PREX1: variants seen among roughly 807,000 people sequenced by gnomAD.
PREX1 encodes phosphatidylinositol-3,4,5-trisphosphate dependent Rac exchange factor 1, also known as phosphatidylinositol 3,4,5-trisphosphate-dependent Rac exchanger 1 protein.
A neutral mutation model predicts 198.3 loss-of-function variants in PREX1; 41 were observed. The observed-to-expected ratio is 0.21, with a 90% confidence interval of 0.16 to 0.27. The LOEUF is 0.27. Among genes scored for constraint, PREX1 ranks in the 10% least tolerant of loss-of-function variants. PREX1 has a pLI of 1.00. For synonymous variants in PREX1, 843 were observed against 887.2 expected (o/e 0.95, Z 0.89); for missense variants, 1,620 against 2,200.7 (o/e 0.74, Z 5.28).
Position 48,692,747 on chromosome 20 carries a change from T to C in PREX1, c.961A>G (p.Asn321Asp). The C allele has an allele frequency of 6.2e-7, 1 of 1,614,044 alleles. No homozygotes were observed. Among genetic ancestry groups the C allele is most frequent in the Non-Finnish European group, 8.5e-7 (1 of 1,179,978 alleles). ...KKSTKRTKSINGSLYIFRGRI... is the reference protein window; with the variant it reads ...KKSTKRTKSIDGSLYIFRGRI... ...CCCCTGAAGATGTAGAGGGAGCCGT[T>C]GATGGATTTGGTCCTCTTGGTGGAC... The change falls in exon 8 of 40, where the codon AAC (asparagine) becomes GAC (aspartate). Residue 321 changes from asparagine to aspartate, a missense_variant. Asn to Asp is a conservative substitution (Grantham distance 23). Around this residue, in one of 7 missense-constraint regions of PREX1, gnomAD observed 488 missense variants for 802.5 expected, o/e 0.61. Transcript: ENST00000371941.
At chr20:48,765,566 G>A (rs1333303211) in intron 1 of PREX1, among the ~76,000 whole-genome samples, 3 of 152,148 alleles carry the variant, frequency 2.0e-5, no homozygotes, top group African/African-American at 4.8e-5. Flanking sequence ...AGGAGGAAGC[G>A]ACTCCTACAC....
chr20:48,674,346 A>G (rs6019361), intron 14 of PREX1, among the ~76,000 whole-genome samples: 25,779 of 152,278 alleles, frequency 0.17, 4,416 homozygotes, highest in African/African-American at 0.44. Flanking sequence ...ATCAGCACGT[A>G]TCAGGAATTT....
In PREX1 at chr20:48,681,371, C is replaced by T. The variant is rs910511208; in HGVS notation, c.1335-36G>A. ...CACAATATGTGGTTGAGAGGATTTCCCCAATTCTGGGACCACAGGAATCAG... is the reference window on the plus strand; with the variant it reads ...CACAATATGTGGTTGAGAGGATTTCTCCAATTCTGGGACCACAGGAATCAG... On this transcript the variant is annotated intron_variant, in intron 10 of 39. Transcript: ENST00000371941. 1.9e-6 allele frequency: 3 copies of T among 1,601,802 alleles called. 1 individual carries two copies. In the South Asian group the frequency reaches 3.3e-5, roughly 18 times the overall value.
At chr20:48,721,150 C>A (rs1284628846) in intron 5 of PREX1, among the ~76,000 whole-genome samples, 1 of 152,182 alleles carries the variant, frequency 6.6e-6, no homozygotes, top group Non-Finnish European at 1.5e-5. Context: ...GGTGGCCTTT[C>A]CACATTCATT....
intron 4 of PREX1, among the ~76,000 whole-genome samples, chr20:48,733,742 T>G (rs2090045058): frequency 9.2e-6 from 1 of 108,908 alleles, no homozygotes; most frequent in Non-Finnish European, 2.1e-5. Flanking sequence ...TGCCAGTTTT[T>G]GGGTTTTTTT....
chr20:48,693,754 T>G (rs2089831516), intron 7 of PREX1, among the ~76,000 whole-genome samples: 1 of 151,530 alleles, frequency 6.6e-6, no homozygotes, highest in Non-Finnish European at 1.5e-5. Context: ...ACTACAGGCA[T>G]GTCTCACCAC....
At chr20:48,704,000 C>T (rs190530543) in intron 6 of PREX1, among the ~76,000 whole-genome samples, 15 of 152,310 alleles carry the variant, frequency 9.8e-5, no homozygotes, top group African/African-American at 1.9e-4. Flanking sequence ...CACTCAGCCA[C>T]GCTGGAGATG....
chr20:48,691,049 G>T lies in PREX1; in HGVS notation c.1084C>A (p.His362Asn). Residue 362 changes from histidine to asparagine, a missense_variant, in exon 9 of 40, where the codon CAC becomes AAC. Around this residue, in one of 7 missense-constraint regions of PREX1, gnomAD observed 488 missense variants for 802.5 expected, o/e 0.61. Coordinates refer to ENST00000371941, the MANE Select transcript of PREX1 (RefSeq NM_020820.4). This position sits in a 1 kb window ranked among gnomAD's most constrained non-coding sequence, Gnocchi z 5.0. Reference sequence around the variant, plus strand: ...AACCACTTATTCTTGGCCGTGTTGTGGATCTTCCAGCCGTTGGTGACGGTA... The same window carrying T: ...AACCACTTATTCTTGGCCGTGTTGTTGATCTTCCAGCCGTTGGTGACGGTA... ...GYTVTNGWKIHNTAKNKWFVC... is the reference protein window; with the variant it reads ...GYTVTNGWKINNTAKNKWFVC... 6.2e-7 allele frequency: 1 copy of T among 1,614,232 alleles called. No individual in the cohort carries two copies. Among genetic ancestry groups the T allele is most frequent in the Non-Finnish European group, 8.5e-7 (1 of 1,180,046 alleles).
At chr20:48,708,218 GC>G in intron 6 of PREX1, 41 bp downstream of exon 6, 1 of 1,602,392 alleles carries the variant, frequency 6.2e-7, no homozygotes, top group Non-Finnish European at 8.5e-7. Flanking sequence ...GCACCTCCTG[GC>G]CCCCTGCGGC....
chr20:48,649,976 T>C lies in PREX1; in HGVS notation c.3028+20A>G, dbSNP rs376900768. 81 of 1,611,352 alleles carry C rather than the reference T, an allele frequency of 5.0e-5. 1 individual carries two copies. The African/African-American group carries it at 9.7e-4, about 19-fold the overall frequency. ...GAGTGCAACATCTGAACACAGTTTC[T>C]AATAGACACACACAGGTACCTTGCT... On this transcript the variant is annotated intron_variant, in intron 24 of 39. Transcript: ENST00000371941.
intron 6 of PREX1, among the ~76,000 whole-genome samples, chr20:48,704,555 T>TCCTC (rs996472861): frequency 1.1e-4 from 16 of 151,682 alleles, no homozygotes; most frequent in Admixed American, 2.0e-4. Flanking sequence ...CTTCCTTCCT[T>TCCTC]CCTCCCTCCC....
chr20:48,821,429 A>C (rs1213746740), intron 1 of PREX1, among the ~76,000 whole-genome samples: 1 of 152,212 alleles, frequency 6.6e-6, no homozygotes, highest in African/African-American at 2.4e-5. Context: ...AAGATCTCCG[A>C]AACGCAGGGC....
intron 4 of PREX1, among the ~76,000 whole-genome samples, 174 bp from the exon 5 acceptor site, chr20:48,726,565 C>T (rs1311333951): frequency 6.6e-6 from 1 of 152,204 alleles, no homozygotes; most frequent in African/African-American, 2.4e-5. Context: ...CCCTACTGGG[C>T]CAAATCTTGC....
At chr20:48,703,867 C>T (rs138161870) in intron 6 of PREX1, among the ~76,000 whole-genome samples, 22 of 152,364 alleles carry the variant, frequency 1.4e-4, no homozygotes, top group African/African-American at 5.3e-4. Context: ...CACTCTTGAT[C>T]TCCCTGAAAT....
intron 17 of PREX1, 44 bp from the exon 18 acceptor site, chr20:48,657,232 A>G (rs1266417597): frequency 1.2e-6 from 2 of 1,600,482 alleles, no homozygotes; most frequent in Admixed American, 3.3e-5. Context: ...CCAGTTACTA[A>G]GCTCCTTCCC....
intron 1 of PREX1, among the ~76,000 whole-genome samples, chr20:48,773,266 C>CAAA (rs55740822): frequency 2.1e-4 from 14 of 65,832 alleles, no homozygotes; most frequent in East Asian, 4.9e-4. Flanking sequence ...GACTTGGTCT[C>CAAA]AAAAAAAAAA....
At chr20:48,662,563 T>G (rs990299835) in intron 15 of PREX1, among the ~76,000 whole-genome samples, 1 of 152,078 alleles carries the variant, frequency 6.6e-6, no homozygotes, top group African/African-American at 2.4e-5. Flanking sequence ...AGCCTCAGTT[T>G]CCCCATATGT....
At position 48,649,455 on chromosome 20, in the gene PREX1, G is replaced by A. The variant is rs147236010; in HGVS notation, c.3150C>T (p.Phe1050=). 1.2e-3 allele frequency: 1,913 copies of A among 1,614,128 alleles called. 20 individuals are homozygous for A. The African/African-American group carries it at 0.023, about 19-fold the overall frequency. The part of the protein sequence containing the change: ...PQGQGLHDGS[F]GPASGTLGQE... ...GACCAAGGGTCCCACTGGCTGGCCC[G>A]AAGCTGCCATCATGGAGACCCTGGC... The change falls in exon 25 of 40, where the codon TTC becomes TTT. Residue 1050 remains phenylalanine (F), a synonymous_variant. Coordinates refer to ENST00000371941, the MANE Select transcript of PREX1 (RefSeq NM_020820.4).
In PREX1 at chr20:48,708,424, G is replaced by A. The variant is rs2089913746; in HGVS notation, c.622-3C>T. On this transcript the variant is annotated splice_polypyrimidine_tract_variant and splice_region_variant and intron_variant, in intron 5 of 39. Coordinates refer to ENST00000371941, the MANE Select transcript of PREX1 (RefSeq NM_020820.4). The stretch of plus-strand genomic sequence containing the variant: ...CCGGGAGTCCTCTTGGCCAGCTCCT[G>A]GGGTAGAATAGAGGTGGGGAGAAGA... The A allele has an allele frequency of 6.2e-7, 1 of 1,613,938 alleles. No individual in the cohort carries two copies. Among genetic ancestry groups the A allele is most frequent in the Non-Finnish European group, 8.5e-7 (1 of 1,179,910 alleles).
Sources: gnomAD v4.1 joint callset for allele counts (sites outside exome capture counted in the v4.1 genomes callset) on GRCh38, gnomAD v4.1.1 for gene constraint, gnomAD v4.1.1 regional missense constraint, Gnocchi (gnomAD v3.1) non-coding constraint, MANE v1.5 for transcripts, NCBI Gene and HGNC (gene_info 2026-07-23, HGNC 2026-07-21) for gene names.